MAST4: variants seen among roughly 807,000 people sequenced by gnomAD.
MAST4 encodes microtubule-associated serine/threonine-protein kinase 4.
A neutral mutation model predicts 162.7 loss-of-function variants in MAST4; 89 were observed. That is an observed-to-expected ratio of 0.55 (90% confidence interval 0.46 to 0.65). MAST4 has a LOEUF of 0.65. MAST4 is among the 30% of genes least tolerant of loss of function. The pLI, the probability that MAST4 is intolerant of heterozygous loss-of-function variation, is 0.00. For missense variants in MAST4, 3,153 were observed against 3,374.0 expected (o/e 0.93, Z 1.62); for synonymous variants, 1,479 against 1,361.1 (o/e 1.09, Z -1.91).
At position 67,149,630 on chromosome 5, in the gene MAST4, A is replaced by T. The variant is rs773278572; in HGVS notation, c.3295+41A>T. 5 of 1,583,526 alleles carry T rather than the reference A, an allele frequency of 3.2e-6. No homozygotes were observed. In the East Asian group the frequency reaches 1.1e-4, roughly 36 times the overall value. ...TTGCATGAAATTGTGTGATTTGTGC[A>T]TGTGGTCCCATCCCTCCTCTCCCAA... On this transcript the variant is annotated intron_variant, in intron 24 of 28. Transcript: ENST00000403625.
At position 67,166,490 on chromosome 5, in the gene MAST4, G is replaced by T; in HGVS notation, c.7311G>T (p.Met2437Ile). The change falls in exon 29 of 29, where the codon ATG becomes ATT. Residue 2437 changes from methionine to isoleucine, a missense_variant. By Grantham distance (10) the Met-to-Ile change is conservative. This residue lies in a region of MAST4 where 1,644 missense variants were observed against 1,495.0 expected (regional missense o/e 1.10). Coordinates refer to ENST00000403625, the MANE Select transcript of MAST4 (RefSeq NM_001164664.2). The stretch of plus-strand genomic sequence containing the variant: ...CGGAGGCAGACAAGCCCAATGGCAT[G>T]AAACGGTCCCCCTCAGCCACTGGGC... The part of the protein sequence containing the change: ...PPTEADKPNG[M>I]KRSPSATGQS... 1 of 1,604,964 alleles carries T rather than the reference G, an allele frequency of 6.2e-7. No individual in the cohort carries two copies. Among genetic ancestry groups the T allele is most frequent in the South Asian group, 1.1e-5 (1 of 89,368 alleles).
intron 3 of MAST4, among the ~76,000 whole-genome samples, chr5:66,889,408 TGAAGGATCTC>T (rs1762236911): frequency 6.6e-6 from 1 of 152,234 alleles, no homozygotes; most frequent in African/African-American, 2.4e-5. Flanking sequence ...ATAGAGATCC[TGAAGGATCTC>T]TAAATTTGCA....
intron 1 of MAST4, among the ~76,000 whole-genome samples, chr5:66,671,866 T>C (rs1310665026): frequency 6.6e-6 from 1 of 152,140 alleles, no homozygotes; most frequent in African/African-American, 2.4e-5. Flanking sequence ...TTATCCTAGA[T>C]TGTGGTGAGC....
chr5:66,886,924 C>CA (rs552321256), intron 3 of MAST4, among the ~76,000 whole-genome samples: 266 of 151,766 alleles, frequency 1.8e-3, no homozygotes, highest in African/African-American at 6.2e-3. Context: ...TTTCTGATCC[C>CA]AAAAAACCAC....
chr5:66,756,798 G>A (rs1345352309), intron 1 of MAST4, among the ~76,000 whole-genome samples: 1 of 152,216 alleles, frequency 6.6e-6, no homozygotes, highest in Non-Finnish European at 1.5e-5. Flanking sequence ...TGTTGGGAGT[G>A]TGATCGGATG....
At chr5:66,933,695 G>A (rs1446996307) in intron 4 of MAST4, among the ~76,000 whole-genome samples, 3 of 152,090 alleles carry the variant, frequency 2.0e-5, no homozygotes, top group African/African-American at 7.2e-5. Context: ...GGCCACATGT[G>A]GAGATTGCTG....
chr5:66,949,659 CTG>C (rs1744438455), intron 4 of MAST4, among the ~76,000 whole-genome samples: 2 of 152,160 alleles, frequency 1.3e-5, no homozygotes, highest in Non-Finnish European at 2.9e-5. Flanking sequence ...CACAGATAGT[CTG>C]TAAAAATTAT....
intron 1 of MAST4, among the ~76,000 whole-genome samples, chr5:66,734,340 T>C (rs1752037066): frequency 6.6e-6 from 1 of 152,154 alleles, no homozygotes; most frequent in Admixed American, 6.5e-5. Flanking sequence ...GAATAATCCA[T>C]AGAACTTCCA....
Position 67,065,120 on chromosome 5 carries a change from A to C in MAST4, c.763+10628A>C, listed in dbSNP as rs79525487. ...TAAAAGTTTATGTATTCAAACTGGG[A>C]AAAATAATTTTCTCATCTGCTAGTT... On this transcript the variant is annotated intron_variant, in intron 5 of 28. Transcript: ENST00000403625. Among the ~76,000 whole-genome samples the C allele has an allele frequency of 4.9e-3, 746 of 152,222 alleles. 14 individuals carry two copies. The East Asian group carries it at 0.062, about 13-fold the overall frequency.
At chr5:66,847,820 C>CAAAAAAAAAAAAAAAAAAA (rs777825639) in intron 3 of MAST4, among the ~76,000 whole-genome samples, 15 of 54,138 alleles carry the variant, frequency 2.8e-4, no homozygotes, top group South Asian at 1.4e-3. Context: ...GACTCCTTCT[C>CAAAAAAAAAAAAAAAAAAA]AAAAAAAAAA....
chr5:66,688,392 A>G (rs71632579), intron 1 of MAST4, among the ~76,000 whole-genome samples: 16,651 of 152,212 alleles, frequency 0.11, 1,016 homozygotes, highest in East Asian at 0.26. Context: ...CTGAAGTGCT[A>G]TCTGGAAGTG....
Position 67,169,495 on chromosome 5 carries a change from C to CT in MAST4, c.*2445dup, listed in dbSNP as rs1289354991. The CT allele has an allele frequency of 1.3e-5, 2 of 152,162 alleles. No homozygotes were observed. The highest frequency in any genetic ancestry group is 2.9e-5 in the Non-Finnish European group (2 of 68,026). 9.4% of individuals were successfully genotyped at this position (152,162 alleles called of 1,614,324 possible). Reference sequence around the variant, plus strand: ...TAAAGTGTTTGCAGTCTTATTTTCTCTAAGAAATTCCTTATGGACGTCATA... The same window carrying CT: ...TAAAGTGTTTGCAGTCTTATTTTCTCTTAAGAAATTCCTTATGGACGTCATA... On this transcript the variant is annotated 3_prime_UTR_variant, in exon 29 of 29. Transcript: ENST00000403625.
chr5:66,691,459 C>T (rs1474319568), intron 1 of MAST4, among the ~76,000 whole-genome samples: 1 of 152,044 alleles, frequency 6.6e-6, no homozygotes, highest in African/African-American at 2.4e-5. Context: ...GTAAATAAAA[C>T]GGCTACATAA....
At chr5:66,996,996 G>C (rs189767263) in intron 4 of MAST4, among the ~76,000 whole-genome samples, 184 of 152,232 alleles carry the variant, frequency 1.2e-3, no homozygotes, top group Non-Finnish European at 8.5e-4. Context: ...GTTTTAGGAT[G>C]TATTAACAAT....
At chr5:66,926,628 A>G (rs185091654) in intron 4 of MAST4, among the ~76,000 whole-genome samples, 11 of 151,926 alleles carry the variant, frequency 7.2e-5, no homozygotes, top group East Asian at 1.9e-4. Flanking sequence ...ATATGTGTGT[A>G]TATATGTATA....
intron 4 of MAST4, among the ~76,000 whole-genome samples, chr5:66,901,747 C>T (rs1335129523): frequency 6.6e-6 from 1 of 151,876 alleles, no homozygotes; most frequent in Non-Finnish European, 1.5e-5. Context: ...TGAGGTAAAC[C>T]AAAAATAAAC....
Position 66,927,003 on chromosome 5 carries a change from T to C in MAST4, c.674+27021T>C, listed in dbSNP as rs1342395956. ...GGGTAGTGAATATACAGGTAGGTATTCGTTATGTGATTCCCTTCCTATGTT... is the reference window on the plus strand; with the variant it reads ...GGGTAGTGAATATACAGGTAGGTATCCGTTATGTGATTCCCTTCCTATGTT... On this transcript the variant is annotated intron_variant, in intron 4 of 28. Transcript: ENST00000403625. Among the ~76,000 whole-genome samples the C allele has an allele frequency of 2.0e-5, 3 of 152,204 alleles. No individual in the cohort carries two copies. In the East Asian group the frequency reaches 5.8e-4, roughly 29 times the overall value.
chr5:67,119,421 G>C (rs1304748862), intron 13 of MAST4, among the ~76,000 whole-genome samples: 1 of 152,186 alleles, frequency 6.6e-6, no homozygotes, highest in Non-Finnish European at 1.5e-5. Flanking sequence ...GGATGCATCA[G>C]AGTAGGGGTT....
chr5:67,156,909 T>C (rs1772605683), intron 26 of MAST4, among the ~76,000 whole-genome samples: 2 of 152,256 alleles, frequency 1.3e-5, no homozygotes, highest in African/African-American at 4.8e-5. Context: ...ACTTCTGCTA[T>C]TGTATTCAAT....
Sources: gnomAD v4.1 joint callset for allele counts (sites outside exome capture counted in the v4.1 genomes callset) on GRCh38, gnomAD v4.1.1 for gene constraint, gnomAD v4.1.1 regional missense constraint, MANE v1.5 for transcripts, NCBI Gene and HGNC (gene_info 2026-07-23, HGNC 2026-07-21) for gene names.